Variants in PTPRO observed in about 807,000 individuals in gnomAD.
PTPRO encodes the protein protein tyrosine phosphatase receptor type O, also known as receptor-type tyrosine-protein phosphatase O.
Under a neutral mutation model 145.2 loss-of-function variants are expected in PTPRO, and 62 were observed. The observed-to-expected ratio is 0.43, with a 90% CI of 0.35 to 0.53. The LOEUF (loss-of-function observed/expected upper bound fraction) is 0.53, where lower values mean the gene tolerates loss of function less well. Among genes scored for constraint, PTPRO ranks in the 20% least tolerant of loss-of-function variants. PTPRO has a pLI of 0.01. For missense variants in PTPRO, 1,345 were observed against 1,482.7 expected, an observed-to-expected ratio of 0.91 and a Z score of 1.53; for synonymous variants, 565 against 514.7, an observed-to-expected ratio of 1.10 and a Z score of -1.32.
At chr12:15,416,782 T>G (rs1457456878) in intron 1 of PTPRO, among the ~76,000 whole-genome samples, 1 of 151,168 alleles carries the variant, frequency 6.6e-6, no homozygotes, top group Admixed American at 6.6e-5. Context: ...GTTGTGCAGT[T>G]TTTTTTCTCT....
At chr12:15,502,195 A>T in intron 5 of PTPRO, 132 bp downstream of exon 5, 2 of 916,134 alleles carry the variant, frequency 2.2e-6, no homozygotes, top group South Asian at 3.3e-5. Flanking sequence ...ATGAAAGGGG[A>T]GAATTTAATT....
rs1256587627 is a variant in PTPRO at position 15,322,708 on chromosome 12, A to T, written c.-19A>T. 1 of 1,605,520 alleles carries T rather than the reference A, an allele frequency of 6.2e-7. No homozygotes were observed. The highest frequency in any genetic ancestry group is 8.5e-7 in the Non-Finnish European group (1 of 1,175,494). ...GTCCGCTAGCGCAGCCGTGCCCCCG[A>T]GTCCCCGTCCGCGCAGCGATGGGGC... On this transcript the variant is annotated 5_prime_UTR_variant, in exon 1 of 27. Coordinates refer to ENST00000281171, the MANE Select transcript of PTPRO (RefSeq NM_030667.3). The surrounding 1 kb of genome is among the most constrained non-coding windows in gnomAD (Gnocchi z 6.3).
chr12:15,351,850 T>A (rs558608960), intron 1 of PTPRO, among the ~76,000 whole-genome samples: 16 of 152,332 alleles, frequency 1.1e-4, no homozygotes, highest in African/African-American at 3.8e-4. Context: ...ATTTTTTTAT[T>A]GCGTGCAAAC....
At chr12:15,418,528 A>G (rs1940046304) in intron 1 of PTPRO, among the ~76,000 whole-genome samples, 1 of 151,840 alleles carries the variant, frequency 6.6e-6, no homozygotes, top group South Asian at 2.1e-4. Flanking sequence ...CAATCACACA[A>G]GAACTAGAAA....
chr12:15,546,474 A>G (rs1943291287), intron 12 of PTPRO, 95 bp from the exon 13 acceptor site: 1 of 1,537,618 alleles, frequency 6.5e-7, no homozygotes, highest in Non-Finnish European at 8.8e-7. Context: ...ACCTACCTAT[A>G]TTTGAATTGG....
At chr12:15,467,989 G>C (rs1385894535) in intron 1 of PTPRO, among the ~76,000 whole-genome samples, 1 of 152,146 alleles carries the variant, frequency 6.6e-6, no homozygotes, top group African/African-American at 2.4e-5. Context: ...TGTTTCCATT[G>C]GCAGATTGCC....
chr12:15,375,820 G>T (rs931171788), intron 1 of PTPRO, among the ~76,000 whole-genome samples: 5 of 150,638 alleles, frequency 3.3e-5, no homozygotes, highest in African/African-American at 1.2e-4. Flanking sequence ...AGATATTCTG[G>T]AGCTTTAAAG....
At chr12:15,580,585 C>G in intron 21 of PTPRO, 112 bp from the exon 22 acceptor site, 1 of 1,324,700 alleles carries the variant, frequency 7.5e-7, no homozygotes, top group Non-Finnish European at 1.1e-6. Context: ...GGTGTGTGAT[C>G]CTTTGCCAAT....
Position 15,551,621 on chromosome 12 carries a change from G to C in PTPRO, c.2508G>C (p.Leu836=), listed in dbSNP as rs1332703010. Residue 836 remains leucine, a synonymous_variant, in exon 15 of 27, where the codon CTG becomes CTC. Transcript: ENST00000281171. The stretch of plus-strand genomic sequence containing the variant: ...TCCTTAGCACACTTTTAATTGGACT[G>C]TTGCTTGTTACCCTCATTATTCTTA... ...LAILSTLLIG[L]LLVTLIILRK... 1 of 1,613,566 alleles carries C rather than the reference G, an allele frequency of 6.2e-7. No homozygotes were observed.
At chr12:15,399,300 A>G (rs1052387640) in intron 1 of PTPRO, among the ~76,000 whole-genome samples, 1 of 152,266 alleles carries the variant, frequency 6.6e-6, no homozygotes, top group African/African-American at 2.4e-5. Context: ...TGTAGTTCTC[A>G]CAAAAACCCT....
At chr12:15,447,754 G>C (rs541832683) in intron 1 of PTPRO, among the ~76,000 whole-genome samples, 2 of 34,946 alleles carry the variant, frequency 5.7e-5, no homozygotes, top group African/African-American at 7.2e-5. Context: ...GCATCTTATA[G>C]TCTTTGAACA....
At position 15,354,611 on chromosome 12, in the gene PTPRO, C is replaced by T. The variant is rs553178422; in HGVS notation, c.75+31810C>T. ...TCACTCATCTAAGAGAATCACTAAG[C>T]ATTTATTTGACTGCTTGTTTTTCTT... On this transcript the variant is annotated intron_variant, in intron 1 of 26. Coordinates refer to ENST00000281171, the MANE Select transcript of PTPRO (RefSeq NM_030667.3). 1.6e-4 allele frequency among the ~76,000 whole-genome samples: 24 copies of T among 152,214 alleles called. No individual in the cohort carries two copies. The South Asian group carries it at 5.0e-3, about 32-fold the overall frequency.
At chr12:15,582,014 G>A (rs575127699) in intron 23 of PTPRO, among the ~76,000 whole-genome samples, 1 of 152,242 alleles carries the variant, frequency 6.6e-6, no homozygotes, top group Non-Finnish European at 1.5e-5. Flanking sequence ...CAGCAAGCCA[G>A]TGATAAGCAT....
At chr12:15,580,237 A>G in intron 21 of PTPRO, 122 bp downstream of exon 21, 4 of 776,502 alleles carry the variant, frequency 5.2e-6, no homozygotes, top group Admixed American at 2.4e-5. Context: ...ATTGAATTCT[A>G]AAAAGTTTGC....
intron 23 of PTPRO, among the ~76,000 whole-genome samples, chr12:15,585,637 G>A (rs752479503): frequency 1.3e-5 from 2 of 152,076 alleles, no homozygotes; most frequent in Non-Finnish European, 2.9e-5. Flanking sequence ...TTCAATACCT[G>A]AACTTAAATT....
intron 1 of PTPRO, among the ~76,000 whole-genome samples, chr12:15,379,379 A>G (rs1450390113): frequency 6.6e-6 from 1 of 151,320 alleles, no homozygotes; most frequent in Admixed American, 6.6e-5. Context: ...AAAAAAAAAA[A>G]AATTACCTGG....
chr12:15,332,810 T>C (rs868004585), intron 1 of PTPRO, among the ~76,000 whole-genome samples: 5 of 152,254 alleles, frequency 3.3e-5, no homozygotes, highest in Non-Finnish European at 5.9e-5. Context: ...CTACTTCTGG[T>C]TGTAGCATTC....
intron 18 of PTPRO, among the ~76,000 whole-genome samples, chr12:15,566,910 A>G (rs1943913798): frequency 6.6e-6 from 1 of 152,212 alleles, no homozygotes; most frequent in Non-Finnish European, 1.5e-5. Flanking sequence ...AGGAGAGGGT[A>G]CCATCACCTG....
At chr12:15,341,734 T>A (rs999841669) in intron 1 of PTPRO, among the ~76,000 whole-genome samples, 1 of 152,154 alleles carries the variant, frequency 6.6e-6, no homozygotes, top group African/African-American at 2.4e-5. Flanking sequence ...AGCTATTAAA[T>A]AAAATATAGT....
Sources: gnomAD v4.1 joint callset for allele counts (sites outside exome capture counted in the v4.1 genomes callset) on GRCh38, gnomAD v4.1.1 for gene constraint, Gnocchi (gnomAD v3.1) non-coding constraint, MANE v1.5 for transcripts, NCBI Gene and HGNC (gene_info 2026-07-23, HGNC 2026-07-21) for gene names.